Variants in ZFHX3 observed in about 807,000 individuals in gnomAD.
ZFHX3 encodes the protein zinc finger homeobox protein 3.
In ZFHX3, 42 loss-of-function variants were observed where a neutral mutation model predicts 279.1. The ratio of observed to expected loss-of-function variants is 0.15; its 90% CI spans 0.12 to 0.19. ZFHX3 has a LOEUF of 0.19. ZFHX3 is among the 10% of genes least tolerant of loss of function. The pLI is 1.00. For missense variants in ZFHX3, 4,981 were observed against 4,754.0 expected (o/e 1.05, Z -1.40); for synonymous variants, 2,293 against 1,957.8 (o/e 1.17, Z -4.52).
intron 1 of ZFHX3, among the ~76,000 whole-genome samples, chr16:72,989,061 A>G (rs544962765): frequency 2.7e-4 from 41 of 152,216 alleles, no homozygotes; most frequent in African/African-American, 9.4e-4. Flanking sequence ...CTGTGGTCTC[A>G]GCTAAGAGAG....
chr16:73,464,955 G>A (rs1260182163), intron 2 of ZFHX3, among the ~76,000 whole-genome samples: 1 of 152,154 alleles, frequency 6.6e-6, no homozygotes, highest in Non-Finnish European at 1.5e-5. Flanking sequence ...GGCCCACCAA[G>A]GCTGGGCGGG....
At chr16:73,304,715 GC>G (rs775486162) in intron 4 of ZFHX3, among the ~76,000 whole-genome samples, 22 of 152,112 alleles carry the variant, frequency 1.4e-4, no homozygotes, top group Non-Finnish European at 1.9e-4. Flanking sequence ...CAATCAAACT[GC>G]ACTAAATATG....
chr16:73,169,906 G>C (rs981113937), intron 5 of ZFHX3, among the ~76,000 whole-genome samples: 2 of 152,034 alleles, frequency 1.3e-5, no homozygotes, highest in African/African-American at 4.8e-5. Flanking sequence ...CCTGTTGTAG[G>C]TTCTCTCCTA....
chr16:73,537,396 AC>A (rs1185138901), intron 2 of ZFHX3, among the ~76,000 whole-genome samples: 1 of 124,770 alleles, frequency 8.0e-6, no homozygotes, highest in Non-Finnish European at 1.6e-5. Flanking sequence ...GACTCATTGC[AC>A]CCTCTGCCTC....
intron 5 of ZFHX3, among the ~76,000 whole-genome samples, chr16:73,209,211 T>C (rs2011916937): frequency 6.6e-6 from 1 of 152,374 alleles, no homozygotes; most frequent in East Asian, 1.9e-4. Flanking sequence ...GCCCATTGCA[T>C]GTTAATATAA....
chr16:72,796,820 A>G lies in ZFHX3; in HGVS notation c.5862T>C (p.Phe1954=). 6.2e-7 allele frequency: 1 copy of G among 1,613,308 alleles called. No homozygotes were observed. The highest frequency in any genetic ancestry group is 8.5e-7 in the Non-Finnish European group (1 of 1,179,924). Residue 1954 remains phenylalanine (F), a synonymous_variant, in exon 9 of 10, where the codon TTT becomes TTC. Transcript: ENST00000268489. ...TCTCATTATACTGGATGACCAACTC[A>G]AAGCCAAAGTTCTCCAGCAGGGCCT... ...ATKALLENFG[F]ELVIQYNENK...
At chr16:73,525,005 G>A (rs773707998) in intron 2 of ZFHX3, among the ~76,000 whole-genome samples, 36 of 152,148 alleles carry the variant, frequency 2.4e-4, no homozygotes, top group Non-Finnish European at 4.9e-4. Flanking sequence ...GTTCGAGGTA[G>A]AGCTGTGACT....
intron 1 of ZFHX3, among the ~76,000 whole-genome samples, chr16:73,847,137 A>G (rs541410549): frequency 1.3e-5 from 2 of 152,212 alleles, no homozygotes; most frequent in East Asian, 1.9e-4. Flanking sequence ...CCCCATCTCT[A>G]CTAAAAATAC....
chr16:73,108,087 G>A (rs1966325624), intron 7 of ZFHX3, among the ~76,000 whole-genome samples: 1 of 152,172 alleles, frequency 6.6e-6, no homozygotes, highest in Non-Finnish European at 1.5e-5. Context: ...CATGAACCCA[G>A]GAGGCAGAGC....
intron 5 of ZFHX3, among the ~76,000 whole-genome samples, chr16:73,207,971 G>A (rs960597923): frequency 6.6e-6 from 1 of 152,122 alleles, no homozygotes; most frequent in Non-Finnish European, 1.5e-5. Context: ...CTACAGACTT[G>A]TGGAAGCTGT....
intron 3 of ZFHX3, among the ~76,000 whole-genome samples, chr16:73,364,348 A>AGTAATATTACTATAATATT (rs2016490843): frequency 6.7e-6 from 1 of 149,420 alleles, no homozygotes; most frequent in African/African-American, 2.4e-5. Context: ...CAATAATAAT[A>AGTAATATTACTATAATATT]GTAATATTAC....
chr16:72,829,941 AACG>A lies in ZFHX3; in HGVS notation c.3449-85_3449-83del, dbSNP rs1431363425. 1.1e-5 allele frequency: 15 copies of A among 1,415,828 alleles called. No individual in the cohort carries two copies. The Middle Eastern group carries it at 1.0e-3, about 98-fold the overall frequency. 87.7% of individuals were successfully genotyped at this position (1,415,828 alleles called of 1,614,324 possible). On this transcript the variant is annotated intron_variant, in intron 4 of 9. Coordinates refer to ENST00000268489, the MANE Select transcript of ZFHX3 (RefSeq NM_006885.4). ...TTGGCCTCTGTTGCAAACAACTGCC[AACG>A]ACAGAACAGACACCAATGACTCGTC...
intron 2 of ZFHX3, among the ~76,000 whole-genome samples, chr16:73,502,088 T>G (rs4888429): frequency 0.31 from 46,601 of 151,654 alleles, 7,622 homozygotes; most frequent in African/African-American, 0.4. Flanking sequence ...AGGTACAGCA[T>G]TAAAAGTTAC....
intron 2 of ZFHX3, among the ~76,000 whole-genome samples, chr16:73,677,873 A>G (rs1313186353): frequency 6.6e-6 from 1 of 152,022 alleles, no homozygotes; most frequent in African/African-American, 2.4e-5. Flanking sequence ...AGGGAGGTTT[A>G]TTTCTGGTAC....
intron 5 of ZFHX3, among the ~76,000 whole-genome samples, chr16:73,253,125 A>C (rs566006547): frequency 6.6e-6 from 1 of 152,212 alleles, no homozygotes; most frequent in East Asian, 1.9e-4. Flanking sequence ...CCTCAACCCC[A>C]TGGGACTCCT....
chr16:73,090,651 C>CTGTGGCTAGCGGAT (rs1335836222), intron 8 of ZFHX3, among the ~76,000 whole-genome samples: 1 of 151,674 alleles, frequency 6.6e-6, no homozygotes, highest in African/African-American at 2.4e-5. Flanking sequence ...CTTTGGGAGG[C>CTGTGGCTAGCGGAT]CAAGGCAGGC....
At chr16:72,807,489 A>T (rs1363297199) in intron 7 of ZFHX3, 1 of 152,250 alleles carries the variant, frequency 6.6e-6, no homozygotes, top group African/African-American at 2.4e-5. Flanking sequence ...AGCATAAGCA[A>T]GCAGCTGTTA....
chr16:72,911,555 G>A (rs533591440), intron 3 of ZFHX3, among the ~76,000 whole-genome samples: 34 of 152,256 alleles, frequency 2.2e-4, no homozygotes, highest in African/African-American at 8.2e-4. Context: ...GTTTGGAAAC[G>A]GCTGGGCATT....
intron 5 of ZFHX3, among the ~76,000 whole-genome samples, chr16:73,190,421 A>T (rs545575320): frequency 6.6e-6 from 1 of 152,242 alleles, no homozygotes. Context: ...GAGCTCACAC[A>T]TAGATTGCCT....
Sources: gnomAD v4.1 joint callset for allele counts (sites outside exome capture counted in the v4.1 genomes callset) on GRCh38, gnomAD v4.1.1 for gene constraint, MANE v1.5 for transcripts, NCBI Gene and HGNC (gene_info 2026-07-23, HGNC 2026-07-21) for gene names.